SDK1: variants seen among roughly 807,000 people sequenced by gnomAD.
SDK1 encodes sidekick cell adhesion molecule 1, also known as protein sidekick-1.
In SDK1, 157 loss-of-function variants were observed where a neutral mutation model predicts 245.5. That is an observed-to-expected ratio of 0.64 (90% CI 0.56 to 0.73). The LOEUF is 0.73. Ranked by LOEUF, SDK1 falls within the 30% of genes least tolerant of loss-of-function variation. The pLI is 0.00. For missense variants in SDK1, 3,583 were observed against 3,002.3 expected (o/e 1.19, Z -4.52); for synonymous variants, 1,647 against 1,278.5 (o/e 1.29, Z -6.15).
At chr7:3,581,463 G>A (rs1054074848) in intron 1 of SDK1, among the ~76,000 whole-genome samples, 1 of 152,180 alleles carries the variant, frequency 6.6e-6, no homozygotes, top group African/African-American at 2.4e-5. Context: ...TCTCACATTA[G>A]TCAGAATGGT....
chr7:3,419,168 T>C (rs953730497), intron 1 of SDK1, among the ~76,000 whole-genome samples: 1 of 152,232 alleles, frequency 6.6e-6, no homozygotes, highest in Non-Finnish European at 1.5e-5. Context: ...ATTTAATCTT[T>C]GCAGCAAATC....
chr7:3,694,578 G>GT (rs1050282388), intron 4 of SDK1, among the ~76,000 whole-genome samples: 2 of 6,714 alleles, frequency 3.0e-4, no homozygotes, highest in African/African-American at 7.5e-4. Flanking sequence ...TTATGTTGGT[G>GT]GGGGGGGAAA....
chr7:4,136,476 G>A (rs1779100301), intron 28 of SDK1, among the ~76,000 whole-genome samples: 1 of 152,234 alleles, frequency 6.6e-6, no homozygotes, highest in South Asian at 2.1e-4. Context: ...ATCAAAACAT[G>A]TTCTTGCATT....
intron 4 of SDK1, among the ~76,000 whole-genome samples, chr7:3,724,858 C>A (rs889697222): frequency 6.6e-6 from 1 of 152,172 alleles, no homozygotes; most frequent in Non-Finnish European, 1.5e-5. Context: ...ACCCTTCCAC[C>A]GAAGAGAACT....
At chr7:3,754,864 A>G (rs919975863) in intron 4 of SDK1, among the ~76,000 whole-genome samples, 3 of 152,224 alleles carry the variant, frequency 2.0e-5, no homozygotes, top group African/African-American at 7.2e-5. Flanking sequence ...TGGTTTTGAA[A>G]GGGAATCGCA....
rs779191335 is a variant in SDK1, at chr7:4,265,855, G to C, written c.*471G>C. 2.7e-4 allele frequency: 269 copies of C among 989,518 alleles called. No individual in the cohort carries two copies. Among genetic ancestry groups the C allele is most frequent in the Non-Finnish European group, 3.1e-4 (262 of 833,172 alleles). 61.3% of individuals were successfully genotyped at this position (989,518 alleles called of 1,614,324 possible). On this transcript the variant is annotated 3_prime_UTR_variant, in exon 45 of 45. Transcript: ENST00000404826. ...ACCCTTCTCAACGCAGGACATCCTC[G>C]GCGGCTCCTGGGGTTTGAAGAGCAA... is the stretch of plus-strand genomic sequence containing the variant.
intron 1 of SDK1, among the ~76,000 whole-genome samples, chr7:3,377,677 T>C (rs900889793): frequency 3.3e-5 from 5 of 152,122 alleles, no homozygotes; most frequent in African/African-American, 1.2e-4. Flanking sequence ...CTCATCCATG[T>C]TGGGTTCCTT....
At chr7:3,636,996 C>G (rs998044072) in intron 2 of SDK1, among the ~76,000 whole-genome samples, 1 of 151,800 alleles carries the variant, frequency 6.6e-6, no homozygotes, top group Non-Finnish European at 1.5e-5. Flanking sequence ...AAATGTCTGT[C>G]TAGTATCTTT....
At chr7:3,926,974 C>T (rs963285300) in intron 5 of SDK1, among the ~76,000 whole-genome samples, 1 of 152,208 alleles carries the variant, frequency 6.6e-6, no homozygotes, top group Non-Finnish European at 1.5e-5. Context: ...AGCCTGAGCA[C>T]CTTTAGGGCT....
At chr7:3,377,741 C>A (rs10270365) in intron 1 of SDK1, among the ~76,000 whole-genome samples, 14 of 151,878 alleles carry the variant, frequency 9.2e-5, no homozygotes, top group Non-Finnish European at 1.9e-4. Flanking sequence ...TTCCTAGCCA[C>A]GCTGTTCCAA....
At chr7:3,807,455 C>T (rs535107230) in intron 4 of SDK1, among the ~76,000 whole-genome samples, 1 of 152,322 alleles carries the variant, frequency 6.6e-6, no homozygotes, top group African/African-American at 2.4e-5. Context: ...AGAAAATCTA[C>T]CCCTGCATTT....
At chr7:4,248,228 G>A (rs953964164) in intron 44 of SDK1, among the ~76,000 whole-genome samples, 1 of 151,460 alleles carries the variant, frequency 6.6e-6, no homozygotes, top group African/African-American at 2.4e-5. Flanking sequence ...GCACACACCT[G>A]CATACACACA....
chr7:3,365,860 A>G lies in SDK1; in HGVS notation c.298+63976A>G, dbSNP rs543528080. ...GAGACCAGCCTGGCCAACATGGTGA[A>G]ACTCTGTCTCTACTAAAAATACAAA... is the stretch of plus-strand genomic sequence containing the variant. On this transcript the variant is annotated intron_variant, in intron 1 of 44. Coordinates refer to ENST00000404826, the MANE Select transcript of SDK1 (RefSeq NM_152744.4). Among the ~76,000 whole-genome samples, 8 of 152,056 alleles carry G rather than the reference A, an allele frequency of 5.3e-5. No individual in the cohort carries two copies. In the South Asian group the frequency reaches 1.5e-3, roughly 28 times the overall value.
chr7:4,039,719 G>A lies in SDK1; in HGVS notation c.2603-9629G>A, dbSNP rs1788472892. Reference sequence around the variant, plus strand: ...TCTTTACTGAGTTGATTTAATTATGGAACTTATTATAACATCTTTAAAAAT... The same window carrying A: ...TCTTTACTGAGTTGATTTAATTATGAAACTTATTATAACATCTTTAAAAAT... On this transcript the variant is annotated intron_variant, in intron 17 of 44. Coordinates refer to ENST00000404826, the MANE Select transcript of SDK1 (RefSeq NM_152744.4). Among the ~76,000 whole-genome samples, 4 of 152,104 alleles carry A rather than the reference G, an allele frequency of 2.6e-5. No individual in the cohort carries two copies. In the South Asian group the frequency reaches 8.3e-4, roughly 32 times the overall value.
chr7:3,429,687 C>T (rs545845851), intron 1 of SDK1, among the ~76,000 whole-genome samples: 7 of 151,526 alleles, frequency 4.6e-5, no homozygotes, highest in South Asian at 2.1e-4. Context: ...GCTTCAGCCT[C>T]CTGGGCTCAA....
intron 1 of SDK1, among the ~76,000 whole-genome samples, chr7:3,524,571 C>T (rs1239932111): frequency 6.6e-6 from 1 of 151,942 alleles, no homozygotes. Context: ...TGTACATGTA[C>T]CTGTAAATAA....
At chr7:3,821,630 T>C in intron 5 of SDK1, 47 bp downstream of exon 5, 2 of 1,600,532 alleles carry the variant, frequency 1.2e-6, no homozygotes, top group Non-Finnish European at 1.7e-6. Flanking sequence ...AATAAAATCT[T>C]GCTTTAATCA....
At chr7:3,678,217 G>A (rs913232927) in intron 4 of SDK1, among the ~76,000 whole-genome samples, 1 of 152,204 alleles carries the variant, frequency 6.6e-6, no homozygotes, top group Non-Finnish European at 1.5e-5. Flanking sequence ...GTGGAAGACC[G>A]TTGGTTGCTC....
intron 5 of SDK1, among the ~76,000 whole-genome samples, chr7:3,903,414 T>G (rs568075317): frequency 2.1e-4 from 32 of 152,172 alleles, no homozygotes; most frequent in East Asian, 7.8e-4. Context: ...CCAAAGTGCT[T>G]GGATTACAGG....
Sources: allele counts gnomAD v4.1 joint callset (sites outside exome capture counted in the v4.1 genomes callset), GRCh38; gene constraint gnomAD v4.1.1; transcripts MANE v1.5; gene names NCBI Gene and HGNC (gene_info 2026-07-23, HGNC 2026-07-21).